The following EIF4G3 variants were observed in gnomAD, a reference collection of about 807,000 sequenced individuals.
EIF4G3 encodes the protein eukaryotic translation initiation factor 4 gamma 3, also known as eIF-4-gamma 3.
A neutral mutation model predicts 186.4 loss-of-function variants in EIF4G3; 34 were observed. That is an observed-to-expected ratio of 0.18 (90% confidence interval 0.14 to 0.24). The LOEUF is 0.24. Ranked by LOEUF, EIF4G3 falls within the 10% of genes least tolerant of loss-of-function variation. The pLI is 1.00. For synonymous variants in EIF4G3, 673 were observed against 679.5 expected, an observed-to-expected ratio of 0.99 and a Z score of 0.15; for missense variants, 1,536 against 1,948.5, an observed-to-expected ratio of 0.79 and a Z score of 3.99.
chr1:20,955,536 A>G (rs1479059919), intron 12 of EIF4G3, among the ~76,000 whole-genome samples: 2 of 152,134 alleles, frequency 1.3e-5, no homozygotes, highest in African/African-American at 4.8e-5. Context: ...CACCTGGCTG[A>G]TATTTTATAA....
chr1:21,154,550 AT>A (rs1464049326), intron 2 of EIF4G3, among the ~76,000 whole-genome samples: 1 of 152,140 alleles, frequency 6.6e-6, no homozygotes, highest in African/African-American at 2.4e-5. Flanking sequence ...CTCCAAATAT[AT>A]TTTTCAAAGT....
At chr1:21,133,947 G>C (rs2097196614) in intron 2 of EIF4G3, among the ~76,000 whole-genome samples, 1 of 152,100 alleles carries the variant, frequency 6.6e-6, no homozygotes, top group South Asian at 2.1e-4. Flanking sequence ...CTCAGTCGTT[G>C]AACTGTACTT....
chr1:21,117,753 A>AAAAAAAAAAAAAAAAAAAAAAAAAAAAT (rs2096853112), intron 2 of EIF4G3, among the ~76,000 whole-genome samples: 1 of 149,508 alleles, frequency 6.7e-6, no homozygotes, highest in Non-Finnish European at 1.5e-5. Context: ...AAAAAAAAAA[A>AAAAAAAAAAAAAAAAAAAAAAAAAAAAT]AAAAAAAATT....
chr1:20,818,999 G>T (rs1030210518), intron 33 of EIF4G3, among the ~76,000 whole-genome samples: 1 of 152,064 alleles, frequency 6.6e-6, no homozygotes, highest in African/African-American at 2.4e-5. Flanking sequence ...GAACTCTGGG[G>T]CTCAAAGATC....
At chr1:20,980,271 C>T in intron 10 of EIF4G3, 63 bp downstream of exon 10, 1 of 1,223,844 alleles carries the variant, frequency 8.2e-7, no homozygotes, top group Non-Finnish European at 1.1e-6. Context: ...AACCAACCCA[C>T]CAAGCAACAA....
At chr1:21,060,782 G>GAAAAAAAAA (rs34598369) in intron 3 of EIF4G3, among the ~76,000 whole-genome samples, 2 of 117,352 alleles carry the variant, frequency 1.7e-5, no homozygotes, top group African/African-American at 3.4e-5. Context: ...TGTCTCTTAA[G>GAAAAAAAAA]AAAAAAAAAA....
rs184905495 is a variant in EIF4G3 at position 21,035,037 on chromosome 1, C to T, written c.-67+15829G>A. 5.8e-3 allele frequency among the ~76,000 whole-genome samples: 890 copies of T among 152,186 alleles called. 37 individuals are homozygous for T. Among genetic ancestry groups the T allele is most frequent in the Admixed American group, 0.049 (746 of 15,296 alleles). ...AGCCCCACCCCAGGTGGCAAGGAGG[C>T]GGGACAGGGCAGCAGGAGTGGCTGT... On this transcript the variant is annotated intron_variant, in intron 4 of 36. Transcript: ENST00000602326.
At chr1:20,817,277 T>TAAATAA (rs2061302025) in intron 34 of EIF4G3, 115 bp downstream of exon 34, 45 of 258,678 alleles carry the variant, frequency 1.7e-4, no homozygotes, top group Non-Finnish European at 2.2e-4. Flanking sequence ...AATAAATAAA[T>TAAATAA]AAAAAAAAAT....
intron 3 of EIF4G3, among the ~76,000 whole-genome samples, chr1:21,057,821 GAAAGA>G (rs983315426): frequency 1.0e-3 from 153 of 152,238 alleles, no homozygotes; most frequent in African/African-American, 3.4e-3. Flanking sequence ...ACTGCTGCAA[GAAAGA>G]AAAGCTCTAA....
At chr1:20,966,475 ATTT>A (rs796461952) in intron 12 of EIF4G3, among the ~76,000 whole-genome samples, 2 of 140,040 alleles carry the variant, frequency 1.4e-5, no homozygotes. Flanking sequence ...ATGGGTCAAC[ATTT>A]TTTTTTTTTT....
chr1:21,167,982 C>T (rs2097886492), intron 2 of EIF4G3: 3 of 462,756 alleles, frequency 6.5e-6, no homozygotes, highest in South Asian at 1.6e-5. Context: ...TGAACATTCC[C>T]CTTTGTAATG....
At chr1:21,161,809 A>T (rs1177899638) in intron 2 of EIF4G3, 1 of 151,778 alleles carries the variant, frequency 6.6e-6, no homozygotes, top group African/African-American at 2.4e-5. Flanking sequence ...CTCTACTAAA[A>T]ATACAAAAAT....
chr1:20,845,592 G>A (rs1266484722), intron 29 of EIF4G3, among the ~76,000 whole-genome samples: 1 of 152,064 alleles, frequency 6.6e-6, no homozygotes, highest in African/African-American at 2.4e-5. Context: ...AACCCAGGAG[G>A]TGGAGCTTGC....
intron 3 of EIF4G3, among the ~76,000 whole-genome samples, chr1:21,066,447 G>C (rs2063074): frequency 1.6e-4 from 25 of 152,150 alleles, no homozygotes; most frequent in African/African-American, 5.1e-4. Flanking sequence ...GAAATTAACA[G>C]AGTCAAAAGT....
In EIF4G3 at chr1:20,838,622, T is replaced by C. The variant is rs141566337; in HGVS notation, c.4061+2234A>G. On this transcript the variant is annotated intron_variant, in intron 30 of 36. Coordinates refer to ENST00000602326, the MANE Select transcript of EIF4G3 (RefSeq NM_001391906.1). The stretch of plus-strand genomic sequence containing the variant: ...ATAACCACAGCAACTTTTGCCAAAG[T>C]GTCTTACTAACTGGTTCAAATGGCC... Among the ~76,000 whole-genome samples, 306 of 152,306 alleles carry C rather than the reference T, an allele frequency of 2.0e-3. 1 individual carries two copies. Among genetic ancestry groups the C allele is most frequent in the African/African-American group, 6.9e-3 (285 of 41,572 alleles).
chr1:21,087,236 C>T (rs1262444030), intron 3 of EIF4G3, among the ~76,000 whole-genome samples: 1 of 152,186 alleles, frequency 6.6e-6, no homozygotes, highest in Non-Finnish European at 1.5e-5. Context: ...AGATAGGTTT[C>T]ACTCCCTAAT....
At chr1:21,037,707 T>G (rs1376607212) in intron 4 of EIF4G3, among the ~76,000 whole-genome samples, 1 of 152,230 alleles carries the variant, frequency 6.6e-6, no homozygotes, top group Non-Finnish European at 1.5e-5. Context: ...AAATTAAGAC[T>G]AGCCCAATTC....
rs2098118245 is a variant in EIF4G3, at chr1:21,176,655, C to G, written c.-456+67G>C. Reference sequence around the variant, plus strand: ...CGGGCCAGCACCACCGGCTGCCGGTCTCCGTGACAACGCGACCCCAGGGGG... The same window carrying G: ...CGGGCCAGCACCACCGGCTGCCGGTGTCCGTGACAACGCGACCCCAGGGGG... On this transcript the variant is annotated intron_variant, in intron 1 of 36. Transcript: ENST00000602326. 3 of 493,730 alleles carry G rather than the reference C, an allele frequency of 6.1e-6. No individual in the cohort carries two copies. The South Asian group carries it at 6.7e-5, about 11-fold the overall frequency. The allele number at this position is 493,730 out of a possible 1,614,324, so 30.6% of individuals were successfully genotyped here.
chr1:20,827,288 C>A (rs888268825), intron 32 of EIF4G3, among the ~76,000 whole-genome samples: 5 of 152,192 alleles, frequency 3.3e-5, no homozygotes, highest in Non-Finnish European at 5.9e-5. Context: ...TGACAGCCTC[C>A]AGCTCTATGG....
Sources: gnomAD v4.1 joint callset for allele counts (sites outside exome capture counted in the v4.1 genomes callset) on GRCh38, gnomAD v4.1.1 for gene constraint, MANE v1.5 for transcripts, NCBI Gene and HGNC (gene_info 2026-07-23, HGNC 2026-07-21) for gene names.